The following STPG4 variants were observed in gnomAD, a reference collection of about 807,000 sequenced individuals.
STPG4 encodes sperm-tail PG-rich repeat containing 4.
In STPG4, 41 loss-of-function variants were observed where a neutral mutation model predicts 31.5. The ratio of observed to expected loss-of-function variants is 1.30; its 90% CI spans 1.01 to 1.69. The LOEUF (loss-of-function observed/expected upper bound fraction) is 1.69, where lower values mean the gene tolerates loss of function less well. Among genes scored for constraint, STPG4 ranks in the 40% most tolerant of loss-of-function variants. The pLI is 0.00. For synonymous variants in STPG4, 141 were observed against 103.0 expected (o/e 1.37, Z -2.24); for missense variants, 375 against 293.4 (o/e 1.28, Z -2.03).
At chr2:47,106,934 C>T (rs1685924468) in intron 5 of STPG4, among the ~76,000 whole-genome samples, 1 of 151,966 alleles carries the variant, frequency 6.6e-6, no homozygotes, top group Admixed American at 6.5e-5. Context: ...TACCGAGGAC[C>T]CCTGGACCGA....
intron 5 of STPG4, among the ~76,000 whole-genome samples, chr2:47,099,631 G>A (rs1001326939): frequency 1.3e-5 from 2 of 152,292 alleles, no homozygotes; most frequent in Non-Finnish European, 2.9e-5. Context: ...CACTTTGGCG[G>A]CACTTGAGGA....
At chr2:47,098,030 T>C (rs1480389046) in intron 5 of STPG4, among the ~76,000 whole-genome samples, 1 of 152,044 alleles carries the variant, frequency 6.6e-6, no homozygotes, top group African/African-American at 2.4e-5. Flanking sequence ...GCTTTTCACG[T>C]GTGTATGAAC....
At chr2:47,142,307 G>A (rs1573194925) in intron 3 of STPG4, among the ~76,000 whole-genome samples, 1 of 152,028 alleles carries the variant, frequency 6.6e-6, no homozygotes, top group Admixed American at 6.6e-5. Context: ...GGAGGGAATA[G>A]AATTGCCAAA....
chr2:47,143,758 G>A (rs887089404), intron 3 of STPG4, among the ~76,000 whole-genome samples: 6 of 152,094 alleles, frequency 3.9e-5, no homozygotes, highest in Non-Finnish European at 7.4e-5. Context: ...AAAGTGCTGG[G>A]ATTACAGGTG....
intron 5 of STPG4, among the ~76,000 whole-genome samples, chr2:47,117,928 ATATT>A (rs1558678869): frequency 1.8e-5 from 1 of 54,698 alleles, no homozygotes; most frequent in African/African-American, 6.5e-5. Flanking sequence ...ATATATATAT[ATATT>A]TTTTTTTTAA....
intron 3 of STPG4, among the ~76,000 whole-genome samples, chr2:47,135,235 T>C (rs7584243): frequency 0.84 from 127,368 of 152,152 alleles, 54,589 homozygotes; most frequent in South Asian, 0.95. Flanking sequence ...TGGATCATGC[T>C]TTTGGTGTAG....
chr2:47,108,689 T>C (rs1175972541), intron 5 of STPG4: 1 of 153,164 alleles, frequency 6.5e-6, no homozygotes, highest in Non-Finnish European at 1.5e-5. Flanking sequence ...TGGCATTCTT[T>C]CCCTAGTCTC....
At chr2:47,146,350 C>T (rs1157108114) in intron 3 of STPG4, among the ~76,000 whole-genome samples, 1 of 152,134 alleles carries the variant, frequency 6.6e-6, no homozygotes, top group African/African-American at 2.4e-5. Flanking sequence ...CCGCCCCACC[C>T]AACCACAACA....
At chr2:47,125,202 C>T (rs1686342117) in intron 5 of STPG4, among the ~76,000 whole-genome samples, 1 of 152,112 alleles carries the variant, frequency 6.6e-6, no homozygotes, top group Non-Finnish European at 1.5e-5. Context: ...GGGCAGATCG[C>T]TTGAGCTCAG....
intron 5 of STPG4, among the ~76,000 whole-genome samples, chr2:47,092,660 G>A (rs1326581901): frequency 2.0e-5 from 3 of 148,870 alleles, no homozygotes; most frequent in Non-Finnish European, 4.5e-5. Flanking sequence ...GGGAGGGGAG[G>A]GTAGAGGAGA....
chr2:47,112,628 T>C (rs1331177321), intron 5 of STPG4, among the ~76,000 whole-genome samples: 1 of 152,210 alleles, frequency 6.6e-6, no homozygotes, highest in East Asian at 1.9e-4. Context: ...TCTATAGGTA[T>C]CTACTATATT....
chr2:47,113,575 AT>A (rs1686084747), intron 5 of STPG4, among the ~76,000 whole-genome samples: 1 of 152,354 alleles, frequency 6.6e-6, no homozygotes, highest in East Asian at 1.9e-4. Context: ...TTAAAAGAAC[AT>A]TTTTAAACTA....
intron 3 of STPG4, 120 bp downstream of exon 3, chr2:47,151,137 TA>T: frequency 8.1e-7 from 1 of 1,241,764 alleles, no homozygotes. Flanking sequence ...CTACGGGAAA[TA>T]AGACATCTTA....
In STPG4 at chr2:47,109,950, T is replaced by G. The variant is rs1470989551; in HGVS notation, c.520-19576A>C. 2.6e-5 allele frequency among the ~76,000 whole-genome samples: 4 copies of G among 151,694 alleles called. No individual in the cohort carries two copies. In the East Asian group the frequency reaches 7.7e-4, roughly 29 times the overall value. On this transcript the variant is annotated intron_variant, in intron 5 of 6. Coordinates refer to ENST00000445927, the MANE Select transcript of STPG4 (RefSeq NM_001163561.2). ...AGATCATGTAACGACCATTTGTATCTGTACAGACTCCTGGTTGTCTAATCC... is the reference window on the plus strand; with the variant it reads ...AGATCATGTAACGACCATTTGTATCGGTACAGACTCCTGGTTGTCTAATCC...
chr2:47,147,060 G>A (rs368981356), intron 3 of STPG4, among the ~76,000 whole-genome samples: 117 of 152,264 alleles, frequency 7.7e-4, no homozygotes, highest in African/African-American at 2.7e-3. Context: ...GATTGCTTGA[G>A]CCTGGGGAAT....
intron 5 of STPG4, among the ~76,000 whole-genome samples, chr2:47,112,847 A>G (rs753988221): frequency 6.6e-6 from 1 of 152,162 alleles, no homozygotes; most frequent in Non-Finnish European, 1.5e-5. Flanking sequence ...TACCAAAAAA[A>G]TTATCCAGGC....
chr2:47,100,077 G>A (rs997749754), intron 5 of STPG4, among the ~76,000 whole-genome samples: 15 of 152,108 alleles, frequency 9.9e-5, no homozygotes, highest in Admixed American at 8.5e-4. Context: ...CTGCTCCAAG[G>A]TGCCCAGTCC....
chr2:47,095,813 C>A (rs924614323), intron 5 of STPG4, among the ~76,000 whole-genome samples: 1 of 152,150 alleles, frequency 6.6e-6, no homozygotes, highest in African/African-American at 2.4e-5. Context: ...CAGGACTAAT[C>A]CTGCGCCAAC....
At chr2:47,104,192 A>C (rs976673106) in intron 5 of STPG4, among the ~76,000 whole-genome samples, 6 of 151,996 alleles carry the variant, frequency 3.9e-5, no homozygotes, top group Non-Finnish European at 8.8e-5. Flanking sequence ...GGAAGGGCAA[A>C]AAATGCCCAC....
Sources: gnomAD v4.1 joint callset for allele counts (sites outside exome capture counted in the v4.1 genomes callset) on GRCh38, gnomAD v4.1.1 for gene constraint, MANE v1.5 for transcripts, NCBI Gene and HGNC (gene_info 2026-07-23, HGNC 2026-07-21) for gene names.